Variants in GRIK3 observed in about 807,000 individuals in gnomAD.
The protein encoded by GRIK3 is glutamate ionotropic receptor kainate type subunit 3, also known as glutamate receptor ionotropic, kainate 3.
Under a neutral mutation model 102.5 loss-of-function variants are expected in GRIK3, and 29 were observed. The ratio of observed to expected loss-of-function variants is 0.28; its 90% CI spans 0.21 to 0.39. The LOEUF (loss-of-function observed/expected upper bound fraction) is 0.39, where lower values mean the gene tolerates loss of function less well. GRIK3 is among the 10% of genes least tolerant of loss of function. The pLI is 1.00. For synonymous variants in GRIK3, 511 were observed against 504.9 expected (o/e 1.01, Z -0.16); for missense variants, 908 against 1,252.4 (o/e 0.73, Z 4.15).
At chr1:36,996,857 A>T (rs964423499) in intron 1 of GRIK3, among the ~76,000 whole-genome samples, 1 of 152,200 alleles carries the variant, frequency 6.6e-6, no homozygotes, top group Non-Finnish European at 1.5e-5. Context: ...GTGGCTCTCA[A>T]TCGGGGATGA....
chr1:36,940,823 T>C (rs475866), intron 1 of GRIK3, among the ~76,000 whole-genome samples: 38,191 of 152,146 alleles, frequency 0.25, 5,948 homozygotes, highest in African/African-American at 0.43. Flanking sequence ...CTGGAGAGAA[T>C]CAGCCACATC....
At chr1:36,821,825 G>T (rs1174191780) in intron 11 of GRIK3, among the ~76,000 whole-genome samples, 1 of 152,232 alleles carries the variant, frequency 6.6e-6, no homozygotes, top group Non-Finnish European at 1.5e-5. Context: ...CTGGAAGGTG[G>T]GAGGGAGACA....
intron 10 of GRIK3, among the ~76,000 whole-genome samples, chr1:36,832,951 C>T (rs771815546): frequency 1.3e-5 from 2 of 152,320 alleles, no homozygotes; most frequent in Non-Finnish European, 2.9e-5. Context: ...CCATAGCCCC[C>T]GCACTGCTCC....
At chr1:36,984,124 C>A (rs529278655) in intron 1 of GRIK3, among the ~76,000 whole-genome samples, 1 of 152,328 alleles carries the variant, frequency 6.6e-6, no homozygotes. Context: ...CTGCAATGTC[C>A]CACTCAGCCT....
At chr1:36,917,222 C>T (rs957587657) in intron 1 of GRIK3, among the ~76,000 whole-genome samples, 1 of 152,168 alleles carries the variant, frequency 6.6e-6, no homozygotes, top group Non-Finnish European at 1.5e-5. Flanking sequence ...TTTGAAATGG[C>T]TGTATTTATC....
chr1:36,993,662 G>T (rs1247236224), intron 1 of GRIK3, among the ~76,000 whole-genome samples: 6 of 152,178 alleles, frequency 3.9e-5, no homozygotes, highest in African/African-American at 1.4e-4. Context: ...AGGGGGTGTG[G>T]TGGGCACTGT....
Position 36,921,708 on chromosome 1 carries a change from T to A in GRIK3, c.116-30612A>T, listed in dbSNP as rs529957072. Among the ~76,000 whole-genome samples the A allele has an allele frequency of 5.3e-5, 8 of 150,528 alleles. No homozygotes were observed. In the South Asian group the frequency reaches 1.7e-3, roughly 31 times the overall value. On this transcript the variant is annotated intron_variant, in intron 1 of 15. Transcript: ENST00000373091. ...CTGTGTCATAGTATAATGGGTGGCA[T>A]TTTTTTTCTTTCTTAGGGAAGTACA... is the stretch of plus-strand genomic sequence containing the variant.
At chr1:36,813,886 C>T (rs1236546929) in intron 13 of GRIK3, among the ~76,000 whole-genome samples, 1 of 152,096 alleles carries the variant, frequency 6.6e-6, no homozygotes, top group African/African-American at 2.4e-5. Context: ...GCAAGGAGAG[C>T]TTCACTTGAA....
chr1:36,858,973 C>T (rs1640687342), intron 7 of GRIK3, 135 bp downstream of exon 7: 1 of 766,242 alleles, frequency 1.3e-6, no homozygotes, highest in South Asian at 2.0e-5. Context: ...GAAACTGAGG[C>T]TCGGAGACAT....
chr1:36,887,771 A>ATATAT (rs1299959084), intron 2 of GRIK3, among the ~76,000 whole-genome samples: 14 of 106,708 alleles, frequency 1.3e-4, no homozygotes, highest in African/African-American at 5.0e-4. Context: ...AAAAAAAAAA[A>ATATAT]ATATATATAT....
Position 36,817,081 on chromosome 1 carries a change from C to G in GRIK3, c.2070G>C (p.Gly690=). The change falls in exon 13 of 16, where the codon GGG becomes GGC. Residue 690 remains glycine, a synonymous_variant. Transcript: ENST00000373091. ...TCACCTTGAAGAAGGTCATGGTGGCCCCATCCTTGACAGCCCCATACTCGA... is the reference window on the plus strand; with the variant it reads ...TCACCTTGAAGAAGGTCATGGTGGCGCCATCCTTGACAGCCCCATACTCGA... ...TKIEYGAVKD[G]ATMTFFKKSK... The G allele has an allele frequency of 6.2e-7, 1 of 1,613,682 alleles. No homozygotes were observed. Among genetic ancestry groups the G allele is most frequent in the Non-Finnish European group, 8.5e-7 (1 of 1,179,624 alleles).
intron 5 of GRIK3, among the ~76,000 whole-genome samples, chr1:36,867,236 C>T (rs1640795003): frequency 6.6e-6 from 1 of 152,186 alleles, no homozygotes. Context: ...TCCTCCTCTG[C>T]CTCTTCTCAC....
At chr1:36,877,780 C>G (rs1296797201) in intron 3 of GRIK3, among the ~76,000 whole-genome samples, 1 of 152,194 alleles carries the variant, frequency 6.6e-6, no homozygotes, top group Non-Finnish European at 1.5e-5. Context: ...ATTCACCTAT[C>G]CTGCTCCAAT....
chr1:36,895,384 A>G (rs1038656669), intron 1 of GRIK3, among the ~76,000 whole-genome samples: 2 of 152,220 alleles, frequency 1.3e-5, no homozygotes. Context: ...TCTAATGGAT[A>G]AAGAGGACAG....
At chr1:36,893,210 T>C (rs1641136218) in intron 1 of GRIK3, among the ~76,000 whole-genome samples, 1 of 152,076 alleles carries the variant, frequency 6.6e-6, no homozygotes, top group Admixed American at 6.5e-5. Context: ...AACATAAAAC[T>C]TCTACCCATT....
chr1:36,891,226 G>T (rs1570782848), intron 1 of GRIK3, 130 bp from the exon 2 acceptor site: 1 of 634,796 alleles, frequency 1.6e-6, no homozygotes, highest in South Asian at 2.6e-5. Flanking sequence ...CTAGGTAACT[G>T]CCATACCTAG....
intron 1 of GRIK3, among the ~76,000 whole-genome samples, chr1:37,028,631 A>C (rs1202958089): frequency 6.6e-6 from 1 of 152,196 alleles, no homozygotes; most frequent in Non-Finnish European, 1.5e-5. Context: ...TCACTCAGCA[A>C]CCAGAATGGG....
rs1394009443 is a variant in GRIK3, at chr1:36,800,378, T to A, written c.*1473A>T. ...CACTTTGTTCCTAATCCTTCATGTC[T>A]CATTCTTTTCCAAGACTCTTAAAGT... On this transcript the variant is annotated 3_prime_UTR_variant, in exon 16 of 16. Transcript: ENST00000373091. The A allele has an allele frequency of 6.6e-6, 1 of 152,182 alleles. No homozygotes were observed. The highest frequency in any genetic ancestry group is 1.5e-5 in the Non-Finnish European group (1 of 68,052). 9.4% of individuals were successfully genotyped at this position (152,182 alleles called of 1,614,324 possible).
chr1:37,018,960 G>A (rs573217936), intron 1 of GRIK3, among the ~76,000 whole-genome samples: 98 of 152,136 alleles, frequency 6.4e-4, no homozygotes, highest in African/African-American at 1.9e-3. Flanking sequence ...AAAAGCCCCC[G>A]AAGCGACTGA....
Sources: allele counts gnomAD v4.1 joint callset (sites outside exome capture counted in the v4.1 genomes callset), GRCh38; gene constraint gnomAD v4.1.1; transcripts MANE v1.5; gene names NCBI Gene and HGNC (gene_info 2026-07-23, HGNC 2026-07-21).